Variants in SIGLEC15 observed in about 807,000 individuals in gnomAD.
SIGLEC15 encodes the protein sialic acid-binding Ig-like lectin 15.
In SIGLEC15, 31 loss-of-function variants were observed where a neutral mutation model predicts 26.2. That is an observed-to-expected ratio of 1.18 (90% CI 0.89 to 1.60). The LOEUF (loss-of-function observed/expected upper bound fraction) is 1.60. Among genes scored for constraint, SIGLEC15 ranks in the 40% most tolerant of loss-of-function variants. The pLI, the probability that SIGLEC15 is intolerant of heterozygous loss-of-function variation, is 0.00. For missense variants in SIGLEC15, 501 were observed against 488.4 expected, an observed-to-expected ratio of 1.03 and a Z score of -0.24; for synonymous variants, 207 against 221.9, an observed-to-expected ratio of 0.93 and a Z score of 0.60.
intron 1 of SIGLEC15, among the ~76,000 whole-genome samples, chr18:45,827,550 AC>A (rs2048195628): frequency 6.6e-6 from 1 of 152,106 alleles, no homozygotes; most frequent in Non-Finnish European, 1.5e-5. Context: ...TCTGAAGCCC[AC>A]CTCTGCTGTT....
intron 1 of SIGLEC15, among the ~76,000 whole-genome samples, chr18:45,836,609 C>T (rs2048278023): frequency 6.6e-6 from 1 of 152,198 alleles, no homozygotes; most frequent in South Asian, 2.1e-4. Context: ...CCATGGTTCA[C>T]AAGGTGGGGA....
At chr18:45,829,061 T>C in intron 1 of SIGLEC15, 1 of 980,026 alleles carries the variant, frequency 1.0e-6, no homozygotes, top group Non-Finnish European at 1.2e-6. Context: ...CTATGGAGGC[T>C]GGGCAGGGGG....
intron 1 of SIGLEC15, among the ~76,000 whole-genome samples, chr18:45,830,579 C>CTTTCT (rs1261871377): frequency 1.0e-5 from 1 of 96,806 alleles, no homozygotes; most frequent in Non-Finnish European, 2.1e-5. Context: ...AGATATTTTT[C>CTTTCT]TTTCTTTTTT....
Position 45,842,013 on chromosome 18 carries a change from TCTC to T in SIGLEC15, c.906-89_906-87del, listed in dbSNP as rs1248711317. 5.2e-6 allele frequency: 6 copies of T among 1,144,906 alleles called. No individual in the cohort carries two copies. The East Asian group carries it at 1.2e-4, about 22-fold the overall frequency. 70.9% of individuals were successfully genotyped at this position (1,144,906 alleles called of 1,614,324 possible). On this transcript the variant is annotated intron_variant, in intron 5 of 5. Coordinates refer to ENST00000389474, the MANE Select transcript of SIGLEC15 (RefSeq NM_213602.3). ...TCCAGCCGCACTGCTCCCCAGAATG[TCTC>T]CTCTTCTTGGCCCACTGCTGGCATA...
intron 5 of SIGLEC15, 98 bp downstream of exon 5, chr18:45,840,339 T>C (rs2048315115): frequency 2.9e-6 from 4 of 1,362,576 alleles, no homozygotes; most frequent in Non-Finnish European, 4.0e-6. Flanking sequence ...GGCAAAGGGC[T>C]GGGGCTGGGG....
chr18:45,828,002 C>T (rs1469330837), intron 1 of SIGLEC15, among the ~76,000 whole-genome samples: 1 of 152,204 alleles, frequency 6.6e-6, no homozygotes, highest in African/African-American at 2.4e-5. Context: ...CAAACAGCAG[C>T]TGCTTCACAG....
At chr18:45,826,303 G>A (rs1457006972) in intron 1 of SIGLEC15, among the ~76,000 whole-genome samples, 1 of 152,158 alleles carries the variant, frequency 6.6e-6, no homozygotes, top group African/African-American at 2.4e-5. Flanking sequence ...CACTGTGGCA[G>A]GTTTAAGCAA....
chr18:45,838,655 T>C, intron 3 of SIGLEC15, 63 bp from the exon 4 acceptor site: 3 of 1,458,480 alleles, frequency 2.1e-6, no homozygotes, highest in Non-Finnish European at 9.0e-7. Flanking sequence ...CCTCCGGCTC[T>C]GGCGTCCAAA....
chr18:45,826,285 A>G (rs1454238603), intron 1 of SIGLEC15, among the ~76,000 whole-genome samples: 1 of 152,140 alleles, frequency 6.6e-6, no homozygotes, highest in Non-Finnish European at 1.5e-5. Flanking sequence ...CCAGTGGGTG[A>G]GTGGGAACAC....
At chr18:45,833,518 A>G (rs932026429) in intron 1 of SIGLEC15, among the ~76,000 whole-genome samples, 2 of 152,020 alleles carry the variant, frequency 1.3e-5, no homozygotes, top group Non-Finnish European at 1.5e-5. Context: ...TTACCATGTT[A>G]GCCAGGCTGG....
chr18:45,835,080 A>G (rs112401706), intron 1 of SIGLEC15, among the ~76,000 whole-genome samples: 9 of 151,612 alleles, frequency 5.9e-5, no homozygotes, highest in Non-Finnish European at 2.9e-5. Flanking sequence ...TTTGTCCAGA[A>G]AAAAAAAAGG....
chr18:45,829,438 A>G (rs965518308), intron 1 of SIGLEC15, among the ~76,000 whole-genome samples: 1 of 152,144 alleles, frequency 6.6e-6, no homozygotes, highest in Non-Finnish European at 1.5e-5. Flanking sequence ...ACAACTTGCA[A>G]GCCCAGAGAA....
At chr18:45,834,556 T>C (rs1221111562) in intron 1 of SIGLEC15, among the ~76,000 whole-genome samples, 1 of 152,210 alleles carries the variant, frequency 6.6e-6, no homozygotes, top group Non-Finnish European at 1.5e-5. Flanking sequence ...CCAGAAGCCA[T>C]ATTCAGACAG....
chr18:45,832,322 T>C (rs1471436133), intron 1 of SIGLEC15, among the ~76,000 whole-genome samples: 3 of 150,624 alleles, frequency 2.0e-5, no homozygotes, highest in Non-Finnish European at 4.4e-5. Flanking sequence ...CAGGCACAGA[T>C]TGGGTGCTTG....
intron 2 of SIGLEC15, among the ~76,000 whole-genome samples, 163 bp downstream of exon 2, chr18:45,837,251 T>A (rs1300176209): frequency 6.6e-6 from 1 of 151,970 alleles, no homozygotes. Context: ...AAGAGGGGAA[T>A]AGTCCCAGGG....
chr18:45,826,837 G>C (rs1293570776), intron 1 of SIGLEC15, among the ~76,000 whole-genome samples: 1 of 152,174 alleles, frequency 6.6e-6, no homozygotes, highest in Non-Finnish European at 1.5e-5. Context: ...GCAAACCTCT[G>C]CACAGCTGTC....
chr18:45,829,230 T>C, intron 1 of SIGLEC15: 2 of 883,916 alleles, frequency 2.3e-6, no homozygotes, highest in Non-Finnish European at 2.7e-6. Flanking sequence ...GGCAGAGGCA[T>C]GGGTTAAAGG....
chr18:45,834,931 G>A (rs1403625458), intron 1 of SIGLEC15, among the ~76,000 whole-genome samples: 3 of 152,236 alleles, frequency 2.0e-5, no homozygotes, highest in South Asian at 4.1e-4. Context: ...GCATCTAGAA[G>A]TACTGACTGA....
At chr18:45,834,006 T>C (rs547162028) in intron 1 of SIGLEC15, among the ~76,000 whole-genome samples, 1 of 152,348 alleles carries the variant, frequency 6.6e-6, no homozygotes, top group African/African-American at 2.4e-5. Flanking sequence ...CTGTGTGCTC[T>C]GGCCTCATTA....
Sources: allele counts gnomAD v4.1 joint callset (sites outside exome capture counted in the v4.1 genomes callset), GRCh38; gene constraint gnomAD v4.1.1; transcripts MANE v1.5; gene names NCBI Gene and HGNC (gene_info 2026-07-23, HGNC 2026-07-21).